BMP7: variants seen among roughly 807,000 people sequenced by gnomAD.
BMP7 encodes the protein bone morphogenetic protein 7, also known as osteogenic protein 1.
A neutral mutation model predicts 41.2 loss-of-function variants in BMP7; 12 were observed. That is an observed-to-expected ratio of 0.29 (90% confidence interval 0.19 to 0.47). BMP7 has a LOEUF of 0.47. BMP7 is among the 20% of genes least tolerant of loss of function. The probability of loss-of-function intolerance (pLI) is 0.99; values close to 1 mark genes in which losing one functional copy is unlikely to be tolerated. For synonymous variants in BMP7, 248 were observed against 250.0 expected (o/e 0.99, Z 0.07); for missense variants, 467 against 606.0 (o/e 0.77, Z 2.41).
At chr20:57,225,036 C>G (rs1985276930) in intron 2 of BMP7, among the ~76,000 whole-genome samples, 1 of 152,322 alleles carries the variant, frequency 6.6e-6, no homozygotes, top group South Asian at 2.1e-4. Context: ...ATGTCCCAGC[C>G]CTGCACAGCT....
At chr20:57,236,907 G>C (rs563730203) in intron 1 of BMP7, among the ~76,000 whole-genome samples, 2 of 152,346 alleles carry the variant, frequency 1.3e-5, no homozygotes, top group Non-Finnish European at 2.9e-5. Flanking sequence ...GGGCTGGAAA[G>C]AGTTGATAAA....
At chr20:57,241,062 C>T (rs2066066978) in intron 1 of BMP7, among the ~76,000 whole-genome samples, 1 of 152,192 alleles carries the variant, frequency 6.6e-6, no homozygotes, top group Non-Finnish European at 1.5e-5. Flanking sequence ...CAGGGGGACA[C>T]ATCGTGCTCA....
intron 4 of BMP7, among the ~76,000 whole-genome samples, chr20:57,179,086 G>A (rs1472620984): frequency 3.9e-5 from 6 of 152,220 alleles, no homozygotes; most frequent in Non-Finnish European, 8.8e-5. Context: ...CGAGTGAGGC[G>A]TGGGCACTGG....
At chr20:57,254,516 G>A (rs765692356) in intron 1 of BMP7, among the ~76,000 whole-genome samples, 3 of 152,036 alleles carry the variant, frequency 2.0e-5, no homozygotes, top group Non-Finnish European at 4.4e-5. Context: ...ACATTTATGA[G>A]TTGGTCCCCT....
At position 57,265,734 on chromosome 20, in the gene BMP7, G is replaced by C. The variant is rs1187951027; in HGVS notation, c.389C>G (p.Ala130Gly). 2 of 1,609,410 alleles carry C rather than the reference G, an allele frequency of 1.2e-6. No homozygotes were observed. Among genetic ancestry groups the C allele is most frequent in the Admixed American group, 3.4e-5 (2 of 59,636 alleles). ...SLQDSHFLTDADMVMSFVNLV... is the reference protein window; with the variant it reads ...SLQDSHFLTDGDMVMSFVNLV... The stretch of plus-strand genomic sequence containing the variant: ...GTTGACGAAGCTCATGACCATGTCG[G>C]CGTCGGTGAGGAAATGGCTATCTTG... Residue 130 changes from alanine (A) to glycine (G), a missense_variant, in exon 1 of 7, where the codon GCC (alanine) becomes GGC (glycine). Coordinates refer to ENST00000395863, the MANE Select transcript of BMP7 (RefSeq NM_001719.3).
At chr20:57,262,954 C>A (rs1407267481) in intron 1 of BMP7, among the ~76,000 whole-genome samples, 1 of 152,230 alleles carries the variant, frequency 6.6e-6, no homozygotes, top group African/African-American at 2.4e-5. Flanking sequence ...TCCAACCCTA[C>A]TGCCACCCCC....
intron 1 of BMP7, among the ~76,000 whole-genome samples, chr20:57,255,345 G>C (rs922258292): frequency 2.0e-5 from 3 of 152,146 alleles, no homozygotes; most frequent in Non-Finnish European, 4.4e-5. Flanking sequence ...ACTGCATGAG[G>C]GCCCCATAAA....
chr20:57,170,538 C>A lies in BMP7; in HGVS notation c.*421G>T. On this transcript the variant is annotated 3_prime_UTR_variant, in exon 7 of 7. Transcript: ENST00000395863. ...ATTGTGACATTTATTACAGGAACTT[C>A]CGGGTCAATTTTCCTTTCGCACAGA... The A allele has an allele frequency of 3.6e-6, 1 of 276,940 alleles. No homozygotes were observed. The highest frequency in any genetic ancestry group is 7.1e-6 in the Non-Finnish European group (1 of 141,224). 17.2% of individuals were successfully genotyped at this position (276,940 alleles called of 1,614,324 possible).
chr20:57,229,138 T>G (rs1439545392), intron 1 of BMP7, among the ~76,000 whole-genome samples: 1 of 152,218 alleles, frequency 6.6e-6, no homozygotes, highest in Non-Finnish European at 1.5e-5. Flanking sequence ...TACTGCCATC[T>G]TGGCAGATTT....
At chr20:57,227,824 T>A (rs1210190880) in intron 2 of BMP7, among the ~76,000 whole-genome samples, 2 of 152,318 alleles carry the variant, frequency 1.3e-5, no homozygotes, top group East Asian at 3.9e-4. Flanking sequence ...GTTTTTTTCT[T>A]CCCCTAACAT....
intron 2 of BMP7, among the ~76,000 whole-genome samples, chr20:57,226,619 A>G (rs1568722232): frequency 6.6e-6 from 1 of 152,186 alleles, no homozygotes; most frequent in Non-Finnish European, 1.5e-5. Context: ...TCATCATCCA[A>G]CGATGAAAGC....
At chr20:57,248,513 C>A (rs2066098894) in intron 1 of BMP7, among the ~76,000 whole-genome samples, 1 of 152,208 alleles carries the variant, frequency 6.6e-6, no homozygotes, top group Non-Finnish European at 1.5e-5. Flanking sequence ...TCCCCATCCT[C>A]CTGCCTTGAA....
At chr20:57,240,258 A>T (rs1286915008) in intron 1 of BMP7, among the ~76,000 whole-genome samples, 1 of 152,204 alleles carries the variant, frequency 6.6e-6, no homozygotes, top group Admixed American at 6.5e-5. Context: ...TCAAAGTTCC[A>T]CAAATCTCTA....
rs574025413 is a variant in BMP7 at position 57,175,118 on chromosome 20, C to T, written c.959-111G>A. On this transcript the variant is annotated intron_variant, in intron 4 of 6. Transcript: ENST00000395863. ...GATGTGAACAGCAATGAAGCACAGACGGCTGGGGGGTAAATTTCCCGATTC... is the reference window on the plus strand; with the variant it reads ...GATGTGAACAGCAATGAAGCACAGATGGCTGGGGGGTAAATTTCCCGATTC... 170 of 1,148,370 alleles carry T rather than the reference C, an allele frequency of 1.5e-4. 1 individual carries two copies. The African/African-American group carries it at 1.8e-3, about 12-fold the overall frequency. The allele number at this position is 1,148,370 out of a possible 1,614,324, so 71.1% of individuals were successfully genotyped here. A position where few individuals can be genotyped will look rare whatever the true frequency, so the allele number is the denominator to read the frequency against.
rs544997229 is a variant in BMP7, at chr20:57,181,898, A to G, written c.958+1824T>C. Among the ~76,000 whole-genome samples, 7 of 152,378 alleles carry G rather than the reference A, an allele frequency of 4.6e-5. No individual in the cohort carries two copies. The South Asian group carries it at 1.0e-3, about 23-fold the overall frequency. On this transcript the variant is annotated intron_variant, in intron 4 of 6. Coordinates refer to ENST00000395863, the MANE Select transcript of BMP7 (RefSeq NM_001719.3). ...GATTAGCACCTGTGATTCCAAGGGC[A>G]GTCGTAACTCCCCTTTGCCCTGGAG...
intron 3 of BMP7, among the ~76,000 whole-genome samples, chr20:57,197,893 G>T (rs1370038631): frequency 1.3e-5 from 2 of 152,220 alleles, no homozygotes; most frequent in African/African-American, 4.8e-5. Flanking sequence ...GGGTGCCAGA[G>T]TATGAGTGTG....
At chr20:57,199,713 C>T (rs755875719) in intron 3 of BMP7, among the ~76,000 whole-genome samples, 11 of 152,220 alleles carry the variant, frequency 7.2e-5, no homozygotes, top group Non-Finnish European at 1.6e-4. Context: ...TAGCTCACCC[C>T]CAAGAGGTCC....
At chr20:57,189,484 C>T (rs903952895) in intron 3 of BMP7, among the ~76,000 whole-genome samples, 3 of 152,272 alleles carry the variant, frequency 2.0e-5, no homozygotes, top group Admixed American at 6.5e-5. Context: ...TTCACCCACA[C>T]CTGTGAGGCT....
intron 1 of BMP7, among the ~76,000 whole-genome samples, chr20:57,233,914 C>T (rs757669918): frequency 1.3e-4 from 20 of 152,312 alleles, no homozygotes; most frequent in Non-Finnish European, 2.2e-4. Context: ...CAAAACTAAA[C>T]GAACACAATA....
Sources: allele counts gnomAD v4.1 joint callset (sites outside exome capture counted in the v4.1 genomes callset), GRCh38; gene constraint gnomAD v4.1.1; transcripts MANE v1.5; gene names NCBI Gene and HGNC (gene_info 2026-07-23, HGNC 2026-07-21).